DIAPH2: variants seen among roughly 807,000 people sequenced by gnomAD.
DIAPH2 encodes the protein protein diaphanous homolog 2.
DIAPH2 carries 35 observed loss-of-function variants against 92.7 expected under a neutral mutation model. The ratio of observed to expected loss-of-function variants is 0.38; its 90% confidence interval spans 0.29 to 0.50. The LOEUF (loss-of-function observed/expected upper bound fraction) is 0.50. Among genes scored for constraint, DIAPH2 ranks in the 20% least tolerant of loss-of-function variants. DIAPH2 has a pLI of 0.94. For missense variants in DIAPH2, 701 were observed against 819.5 expected (o/e 0.86, Z 1.77); for synonymous variants, 301 against 280.4 (o/e 1.07, Z -0.73).
chrX:97,483,055 G>T (rs1191905690), intron 26 of DIAPH2, among the ~76,000 whole-genome samples: 1 of 111,104 alleles, frequency 9.0e-6, no homozygotes, highest in Non-Finnish European at 1.9e-5. Flanking sequence ...AATAATAGGG[G>T]AGTGTGGTGG....
intron 4 of DIAPH2, among the ~76,000 whole-genome samples, chrX:96,841,032 C>T (rs1196699113): frequency 8.9e-6 from 1 of 111,768 alleles, no homozygotes; most frequent in African/African-American, 3.2e-5. Context: ...TGTTCATTGC[C>T]ATTATCTTCT....
At chrX:97,250,342 C>T (rs753965477) in intron 23 of DIAPH2, among the ~76,000 whole-genome samples, 54 of 111,822 alleles carry the variant, frequency 4.8e-4, no homozygotes, top group African/African-American at 1.6e-3. Flanking sequence ...GAAAAGCATT[C>T]GTATGCCTCT....
At chrX:97,315,153 T>C (rs1012764331) in intron 23 of DIAPH2, among the ~76,000 whole-genome samples, 2 of 110,993 alleles carry the variant, frequency 1.8e-5, no homozygotes, top group African/African-American at 6.5e-5. Context: ...AAAACAGGTA[T>C]ACAAGTCAGT....
intron 25 of DIAPH2, among the ~76,000 whole-genome samples, chrX:97,387,039 TTTTTG>T (rs1361537472): frequency 1.8e-5 from 2 of 111,315 alleles, no homozygotes; most frequent in African/African-American, 3.3e-5. Flanking sequence ...GATCATTTTG[TTTTTG>T]TTTTGTTTTG....
intron 17 of DIAPH2, among the ~76,000 whole-genome samples, chrX:97,025,015 A>C (rs182922676): frequency 2.3e-3 from 263 of 111,943 alleles, no homozygotes; most frequent in Non-Finnish European, 4.1e-3. Flanking sequence ...TGATCATGTT[A>C]GGTTTTATGA....
intron 23 of DIAPH2, among the ~76,000 whole-genome samples, chrX:97,267,511 G>A (rs1376104827): frequency 9.0e-6 from 1 of 111,477 alleles, no homozygotes; most frequent in Non-Finnish European, 1.9e-5. Flanking sequence ...TCATTAAGAT[G>A]AATAATGACA....
chrX:96,811,718 G>T (rs1301241329), intron 4 of DIAPH2, among the ~76,000 whole-genome samples: 1 of 111,607 alleles, frequency 9.0e-6, no homozygotes, highest in East Asian at 2.8e-4. Context: ...TTATTGAGAG[G>T]TTTTAGGATG....
Position 96,915,963 on chromosome X carries a change from C to T in DIAPH2, c.733-475C>T, listed in dbSNP as rs190232760. On this transcript the variant is annotated intron_variant, in intron 7 of 26. Coordinates refer to ENST00000324765, the MANE Select transcript of DIAPH2 (RefSeq NM_006729.5). ...GAGAGAAGGCATGGGAATATCCATACTGAGGCTTATACTGGCATATAGTAT... is the reference window on the plus strand; with the variant it reads ...GAGAGAAGGCATGGGAATATCCATATTGAGGCTTATACTGGCATATAGTAT... Among the ~76,000 whole-genome samples the T allele has an allele frequency of 9.9e-5, 11 of 111,351 alleles. No homozygotes were observed. In the East Asian group the frequency reaches 3.1e-3, roughly 31 times the overall value.
chrX:97,242,555 G>A (rs988050317), intron 22 of DIAPH2, among the ~76,000 whole-genome samples: 3 of 109,366 alleles, frequency 2.7e-5, no homozygotes, highest in Non-Finnish European at 3.8e-5. Context: ...TAGTGGAGAC[G>A]GGGTTTCACC....
At chrX:97,050,475 C>A (rs1204001702) in intron 17 of DIAPH2, among the ~76,000 whole-genome samples, 1 of 107,292 alleles carries the variant, frequency 9.3e-6, no homozygotes, top group Non-Finnish European at 1.9e-5. Flanking sequence ...GAGACATCAA[C>A]AACACACAAA....
intron 17 of DIAPH2, among the ~76,000 whole-genome samples, chrX:96,993,898 C>G (rs1233843055): frequency 9.0e-6 from 1 of 111,467 alleles, no homozygotes; most frequent in Non-Finnish European, 1.9e-5. Flanking sequence ...GCAGAAGAAA[C>G]TACATGGACA....
intron 26 of DIAPH2, among the ~76,000 whole-genome samples, chrX:97,473,970 A>G (rs1010730348): frequency 8.9e-6 from 1 of 112,384 alleles, no homozygotes; most frequent in Admixed American, 9.4e-5. Flanking sequence ...AAACCACAAG[A>G]AAAACAATAT....
intron 15 of DIAPH2, among the ~76,000 whole-genome samples, chrX:96,952,659 C>T (rs768094023): frequency 8.1e-5 from 9 of 110,503 alleles, no homozygotes; most frequent in Non-Finnish European, 1.7e-4. Context: ...AGCTTGAAAC[C>T]GGAAAGCAGA....
intron 17 of DIAPH2, among the ~76,000 whole-genome samples, chrX:97,020,708 A>G (rs1453993254): frequency 8.9e-6 from 1 of 112,096 alleles, no homozygotes; most frequent in Non-Finnish European, 1.9e-5. Flanking sequence ...TAGCATACAC[A>G]TTGTGGATAT....
chrX:97,286,412 G>C (rs1233705263), intron 23 of DIAPH2, among the ~76,000 whole-genome samples: 4 of 110,778 alleles, frequency 3.6e-5, no homozygotes, highest in Non-Finnish European at 7.5e-5. Context: ...TAAACTCTCG[G>C]GTTTTAAGTT....
intron 4 of DIAPH2, among the ~76,000 whole-genome samples, chrX:96,797,103 T>G (rs2064545745): frequency 8.9e-6 from 1 of 112,120 alleles, no homozygotes. Flanking sequence ...ATGACAGATT[T>G]CTCTTTTTTT....
chrX:96,833,498 G>T (rs1399725134), intron 4 of DIAPH2, among the ~76,000 whole-genome samples: 1 of 110,697 alleles, frequency 9.0e-6, no homozygotes. Flanking sequence ...ACATAGGAAT[G>T]CAAACAGTCC....
At chrX:97,045,786 G>T (rs2066478208) in intron 17 of DIAPH2, among the ~76,000 whole-genome samples, 1 of 109,690 alleles carries the variant, frequency 9.1e-6, no homozygotes, top group African/African-American at 3.3e-5. Context: ...TGAAAAGCTT[G>T]GCTCTGGAGG....
chrX:97,139,545 G>A (rs1454724151), intron 21 of DIAPH2, among the ~76,000 whole-genome samples: 2 of 108,658 alleles, frequency 1.8e-5, no homozygotes, highest in Non-Finnish European at 3.8e-5. Flanking sequence ...CAAACATTTG[G>A]CCATGTTTGC....
Sources: gnomAD v4.1 joint callset for allele counts (sites outside exome capture counted in the v4.1 genomes callset) on GRCh38, gnomAD v4.1.1 for gene constraint, MANE v1.5 for transcripts, NCBI Gene and HGNC (gene_info 2026-07-23, HGNC 2026-07-21) for gene names.